CSMD1: variants seen among roughly 807,000 people sequenced by gnomAD.
CSMD1 encodes the protein CUB and sushi domain-containing protein 1.
Under a neutral mutation model 417.5 loss-of-function variants are expected in CSMD1, and 213 were observed. That is an observed-to-expected ratio of 0.51 (90% confidence interval 0.46 to 0.57). CSMD1 has a LOEUF of 0.57. CSMD1 is among the 20% of genes least tolerant of loss of function. The pLI, the probability that CSMD1 is intolerant of heterozygous loss-of-function variation, is 0.00. For missense variants in CSMD1, 6,923 were observed against 4,529.7 expected, an observed-to-expected ratio of 1.53 and a Z score of -15.17; for synonymous variants, 2,862 against 1,736.8, an observed-to-expected ratio of 1.65 and a Z score of -16.11.
chr8:3,736,803 T>C (rs1218808432), intron 6 of CSMD1, among the ~76,000 whole-genome samples: 2 of 152,210 alleles, frequency 1.3e-5, no homozygotes, highest in African/African-American at 4.8e-5. Flanking sequence ...GGGAGTGGCA[T>C]AAATAGGCCC....
intron 8 of CSMD1, among the ~76,000 whole-genome samples, chr8:3,609,658 A>T (rs1801790795): frequency 6.6e-6 from 1 of 151,906 alleles, no homozygotes; most frequent in East Asian, 1.9e-4. Flanking sequence ...TACACTGCAA[A>T]TGAGCTCATC....
In CSMD1 at chr8:3,343,355, C is replaced by T. The variant is rs2161752; in HGVS notation, c.3570G>A (p.Leu1190=). ...ATCCATTGGTGTTGAACTCTAGCCA[C>T]AGGTGATTGGATGTGCTGTTTAGGA... ...GLILNSTSNH[L]WLEFNTNGSD... The change falls in exon 23 of 70, where the codon CTG becomes CTA. Residue 1190 remains leucine, a synonymous_variant. Transcript: ENST00000635120. 271,931 of 1,612,956 alleles carry T rather than the reference C, an allele frequency of 0.17. 23,669 individuals are homozygous for T. The highest frequency in any genetic ancestry group is 0.2 in the Middle Eastern group (1,205 of 6,058).
At position 3,483,705 on chromosome 8, in the gene CSMD1, G is replaced by A. The variant is rs559177589; in HGVS notation, c.1448+9918C>T. Among the ~76,000 whole-genome samples the A allele has an allele frequency of 7.0e-4, 106 of 152,156 alleles. 2 individuals carry two copies. The Middle Eastern group carries it at 0.014, about 20-fold the overall frequency. On this transcript the variant is annotated intron_variant, in intron 11 of 69. Coordinates refer to ENST00000635120, the MANE Select transcript of CSMD1 (RefSeq NM_033225.6). ...AAAAAGAAAGAGAAAACTATAGACC[G>A]ATATCTTTTATGAATGTAGTTGCAA... is the stretch of plus-strand genomic sequence containing the variant.
At chr8:3,621,332 C>A (rs2449232) in intron 7 of CSMD1, among the ~76,000 whole-genome samples, 16,954 of 152,114 alleles carry the variant, frequency 0.11, 1,223 homozygotes, top group African/African-American at 0.19. Context: ...ATGTTGCCCA[C>A]AAGAGACTCA....
intron 3 of CSMD1, among the ~76,000 whole-genome samples, chr8:4,320,372 T>A (rs1387940730): frequency 6.6e-6 from 1 of 151,678 alleles, no homozygotes; most frequent in Non-Finnish European, 1.5e-5. Context: ...TTTATTATTA[T>A]TATACTTTAA....
rs1803313286 is a variant in CSMD1 at position 2,959,909 on chromosome 8, C to A, written c.9702+1232G>T. Reference sequence around the variant, plus strand: ...TGGGCTCTTTAAATTATTAGTAAATCTTGCTGTTGGATAAAATCAATTATT... The same window carrying A: ...TGGGCTCTTTAAATTATTAGTAAATATTGCTGTTGGATAAAATCAATTATT... On this transcript the variant is annotated intron_variant, in intron 62 of 69. Coordinates refer to ENST00000635120, the MANE Select transcript of CSMD1 (RefSeq NM_033225.6). 3.9e-5 allele frequency among the ~76,000 whole-genome samples: 6 copies of A among 152,300 alleles called. No homozygotes were observed. The South Asian group carries it at 1.0e-3, about 26-fold the overall frequency.
chr8:3,483,580 T>G (rs776923790), intron 11 of CSMD1, among the ~76,000 whole-genome samples: 3 of 152,082 alleles, frequency 2.0e-5, no homozygotes, highest in African/African-American at 7.2e-5. Flanking sequence ...TTTCATAAAC[T>G]CTTGCAGAAA....
chr8:3,096,328 C>G (rs1815293151), intron 47 of CSMD1, among the ~76,000 whole-genome samples: 1 of 152,154 alleles, frequency 6.6e-6, no homozygotes, highest in South Asian at 2.1e-4. Flanking sequence ...TGGGACAAAT[C>G]TGGTGGGAGG....
chr8:3,025,984 G>C (rs1345677929), intron 51 of CSMD1, among the ~76,000 whole-genome samples: 1 of 152,112 alleles, frequency 6.6e-6, no homozygotes, highest in Non-Finnish European at 1.5e-5. Context: ...ATTCGAAGGT[G>C]GTCCCTACGT....
chr8:4,169,263 G>A (rs112921276), intron 3 of CSMD1, among the ~76,000 whole-genome samples: 95 of 152,204 alleles, frequency 6.2e-4, no homozygotes, highest in Non-Finnish European at 1.1e-3. Flanking sequence ...TGTCTGATGG[G>A]TGCCTCAATC....
intron 12 of CSMD1, among the ~76,000 whole-genome samples, chr8:3,467,503 T>G (rs534869340): frequency 6.6e-6 from 1 of 152,350 alleles, no homozygotes; most frequent in South Asian, 2.1e-4. Context: ...GCCTCTGCAT[T>G]CTAGTTTTAG....
chr8:3,752,520 G>A (rs1048013474), intron 6 of CSMD1, among the ~76,000 whole-genome samples: 1 of 151,582 alleles, frequency 6.6e-6, no homozygotes, highest in African/African-American at 2.4e-5. Context: ...CGGGTGTGGT[G>A]GTCTGCACCT....
At chr8:3,163,292 C>T (rs553551854) in intron 37 of CSMD1, among the ~76,000 whole-genome samples, 21 of 152,162 alleles carry the variant, frequency 1.4e-4, no homozygotes, top group South Asian at 6.2e-4. Context: ...GCCTTGGATT[C>T]GCACTTTAGT....
In CSMD1 at chr8:4,223,568, C is replaced by G. The variant is rs11985763; in HGVS notation, c.416-191469G>C. On this transcript the variant is annotated intron_variant, in intron 3 of 69. Transcript: ENST00000635120. ...GGAGAGCTGGCCTGCAAGGCAGGAC[C>G]TGTGTCACCTGAATGTTCATCAAAG... Among the ~76,000 whole-genome samples the G allele has an allele frequency of 2.5e-3, 386 of 152,320 alleles. 1 individual carries two copies. The highest frequency in any genetic ancestry group is 8.7e-3 in the African/African-American group (361 of 41,576).
intron 8 of CSMD1, among the ~76,000 whole-genome samples, chr8:3,596,988 T>C (rs936780668): frequency 1.3e-5 from 2 of 152,154 alleles, no homozygotes; most frequent in African/African-American, 4.8e-5. Context: ...GCTCACTCTG[T>C]TTCTGTGGCC....
chr8:4,983,358 C>T (rs928836782), intron 1 of CSMD1, among the ~76,000 whole-genome samples: 2 of 152,066 alleles, frequency 1.3e-5, no homozygotes, highest in Non-Finnish European at 2.9e-5. Context: ...AAGTATATTA[C>T]ATAGACTGAG....
intron 11 of CSMD1, among the ~76,000 whole-genome samples, chr8:3,471,914 G>T (rs535941501): frequency 6.6e-6 from 1 of 152,216 alleles, no homozygotes; most frequent in Admixed American, 6.5e-5. Context: ...ATGGCACTTG[G>T]TTCACATGCA....
chr8:3,671,208 T>C (rs555334415), intron 7 of CSMD1, among the ~76,000 whole-genome samples: 2 of 147,588 alleles, frequency 1.4e-5, no homozygotes, highest in Non-Finnish European at 3.0e-5. Context: ...ATGGGATCTA[T>C]GTATAGGGGA....
At chr8:3,285,004 C>G (rs1803041073) in intron 25 of CSMD1, among the ~76,000 whole-genome samples, 1 of 152,110 alleles carries the variant, frequency 6.6e-6, no homozygotes, top group Non-Finnish European at 1.5e-5. Context: ...AATCTCTATG[C>G]CTAAGGACTC....
Sources: allele counts gnomAD v4.1 joint callset (sites outside exome capture counted in the v4.1 genomes callset), GRCh38; gene constraint gnomAD v4.1.1; transcripts MANE v1.5; gene names NCBI Gene and HGNC (gene_info 2026-07-23, HGNC 2026-07-21).